Variants in PRDM11 observed in about 807,000 individuals in gnomAD.
PRDM11 encodes the protein PR domain-containing protein 11.
PRDM11 carries 20 observed loss-of-function variants against 97.8 expected under a neutral mutation model. The ratio of observed to expected loss-of-function variants is 0.20; its 90% CI spans 0.14 to 0.30. PRDM11 has a LOEUF of 0.30. Among genes scored for constraint, PRDM11 ranks in the 10% least tolerant of loss-of-function variants. The probability of loss-of-function intolerance (pLI) is 1.00; values close to 1 mark genes in which losing one functional copy is unlikely to be tolerated. For synonymous variants in PRDM11, 599 were observed against 637.7 expected (o/e 0.94, Z 0.91); for missense variants, 1,139 against 1,555.2 (o/e 0.73, Z 4.50).
At position 45,227,314 on chromosome 11, in the gene PRDM11, A is replaced by G; in HGVS notation, c.2689A>G (p.Ile897Val). 6.5e-7 allele frequency: 1 copy of G among 1,533,950 alleles called. No homozygotes were observed. The highest frequency in any genetic ancestry group is 1.2e-5 in the South Asian group (1 of 83,964). ...VIAVLSRLAY[I>V]FQGEYLLVSQ... ...TGCTGTGCTCTCGCGTCTGGCCTAC[A>G]TCTTCCAGGGCGAGTACCTGCTGGT... Residue 897 changes from isoleucine (I) to valine (V), a missense_variant, in exon 8 of 8, where the codon ATC (isoleucine) becomes GTC (valine). By Grantham distance (29) the Ile-to-Val change is conservative. Coordinates refer to ENST00000683152, the MANE Select transcript of PRDM11 (RefSeq NM_001384648.1). The surrounding 1 kb of genome is among the most constrained non-coding windows in gnomAD (Gnocchi z 8.0).
chr11:45,097,398 C>T (rs904676925), intron 1 of PRDM11, among the ~76,000 whole-genome samples: 3 of 152,204 alleles, frequency 2.0e-5, no homozygotes, highest in African/African-American at 7.2e-5. Flanking sequence ...GCATTTGTTA[C>T]ATGCCGGCAG....
chr11:45,135,883 G>C (rs888768336), intron 1 of PRDM11, among the ~76,000 whole-genome samples: 3 of 152,106 alleles, frequency 2.0e-5, no homozygotes, highest in Non-Finnish European at 4.4e-5. Flanking sequence ...TGCCCAGGAC[G>C]CCTCAAAAAT....
In PRDM11 at chr11:45,226,871, G is replaced by A. The variant is rs1026342898; in HGVS notation, c.2246G>A (p.Arg749His). Residue 749 changes from arginine to histidine, a missense_variant, in exon 8 of 8, where the codon CGC becomes CAC. Around this residue, in one of 2 missense-constraint regions of PRDM11, gnomAD observed 710 missense variants for 1,044.9 expected, o/e 0.68. Transcript: ENST00000683152. ...CGTGCCAGCATGTTCATGACCATCC[G>A]CAAGACGCTGCCCTGGCTGCTGTGC... The part of the protein sequence containing the change: ...SLRASMFMTI[R>H]KTLPWLLCLP... 8.5e-6 allele frequency: 13 copies of A among 1,533,802 alleles called. No individual in the cohort carries two copies. Among genetic ancestry groups the A allele is most frequent in the African/African-American group, 5.5e-5 (4 of 72,958 alleles).
intron 5 of PRDM11, among the ~76,000 whole-genome samples, chr11:45,217,721 G>T (rs1257165823): frequency 6.6e-6 from 1 of 152,158 alleles, no homozygotes; most frequent in African/African-American, 2.4e-5. Flanking sequence ...ATAGATGAGG[G>T]GCAGCTGGTG....
intron 5 of PRDM11, chr11:45,213,285 T>C (rs1392653922): frequency 2.2e-6 from 1 of 456,552 alleles, no homozygotes; most frequent in Non-Finnish European, 4.4e-6. Flanking sequence ...TGATGCTTGC[T>C]TGGCCTGGAG....
chr11:45,225,971 G>A (rs1244211215), intron 7 of PRDM11, 24 bp from the exon 8 acceptor site: 4 of 1,465,346 alleles, frequency 2.7e-6, no homozygotes, highest in Non-Finnish European at 3.6e-6. Context: ...AGGTATAAAT[G>A]TTTCTTTCCC....
chr11:45,212,088 C>T (rs1297146092), intron 5 of PRDM11, among the ~76,000 whole-genome samples: 1 of 152,162 alleles, frequency 6.6e-6, no homozygotes, highest in Non-Finnish European at 1.5e-5. Context: ...GGTAGCCAAG[C>T]GGTTCGATGT....
At position 45,226,982 on chromosome 11, in the gene PRDM11, A is replaced by G; in HGVS notation, c.2357A>G (p.Asn786Ser). The stretch of plus-strand genomic sequence containing the variant: ...CTCCCATGCCTGGAGGAGCTGGAGA[A>G]CAACCTGAAGCAGCTGCTGAGCTTC... ...KELPCLEELE[N>S]NLKQLLSFYR... is the part of the protein sequence containing the mutation. The change falls in exon 8 of 8, where the codon AAC becomes AGC. Residue 786 changes from asparagine (N) to serine (S), a missense_variant. By Grantham distance (46) the Asn-to-Ser change is conservative. Coordinates refer to ENST00000683152, the MANE Select transcript of PRDM11 (RefSeq NM_001384648.1). 1 of 1,533,934 alleles carries G rather than the reference A, an allele frequency of 6.5e-7. No individual in the cohort carries two copies. The highest frequency in any genetic ancestry group is 8.7e-7 in the Non-Finnish European group (1 of 1,146,724).
At chr11:45,196,024 C>A (rs1321334275) in intron 4 of PRDM11, among the ~76,000 whole-genome samples, 1 of 152,108 alleles carries the variant, frequency 6.6e-6, no homozygotes, top group Non-Finnish European at 1.5e-5. Flanking sequence ...GTTTTTATTT[C>A]TTTCGGGCAT....
intron 1 of PRDM11, among the ~76,000 whole-genome samples, chr11:45,137,862 T>C (rs990507494): frequency 6.6e-6 from 1 of 152,210 alleles, no homozygotes; most frequent in Admixed American, 6.5e-5. Context: ...CAGCATTACC[T>C]TGAAGTCAGA....
chr11:45,112,535 A>G (rs1204909104), intron 1 of PRDM11, among the ~76,000 whole-genome samples: 4 of 152,362 alleles, frequency 2.6e-5, no homozygotes, highest in South Asian at 2.1e-4. Context: ...TAGTGGTTGT[A>G]CTAATTTACA....
chr11:45,191,384 G>T (rs1852907887), intron 4 of PRDM11, among the ~76,000 whole-genome samples: 1 of 152,054 alleles, frequency 6.6e-6, no homozygotes, highest in South Asian at 2.1e-4. Flanking sequence ...TGGTTAAAAT[G>T]ATTTTTCTAT....
In PRDM11 at chr11:45,181,875, G is replaced by A; in HGVS notation, c.109G>A (p.Gly37Ser). The A allele has an allele frequency of 6.2e-7, 1 of 1,612,500 alleles. No homozygotes were observed. Among genetic ancestry groups the A allele is most frequent in the Non-Finnish European group, 8.5e-7 (1 of 1,179,470 alleles). The change falls in exon 2 of 8, where the codon GGC becomes AGC. Residue 37 changes from glycine to serine, a missense_variant. Transcript: ENST00000683152. ...CTCACCACTCCGAGACCAGGAGTAT[G>A]GCCAGCCCTGGTGAGGCCCCTGTGT... ...VCSPLRDQEY[G>S]QPCSRRPDSS...
intron 5 of PRDM11, among the ~76,000 whole-genome samples, chr11:45,218,636 A>G (rs548963312): frequency 6.6e-6 from 1 of 152,298 alleles, no homozygotes; most frequent in South Asian, 2.1e-4. Context: ...AACGTCAACT[A>G]ATTTCCTCTT....
At chr11:45,190,120 T>C (rs191571305) in intron 4 of PRDM11, among the ~76,000 whole-genome samples, 1 of 151,656 alleles carries the variant, frequency 6.6e-6, no homozygotes, top group Non-Finnish European at 1.5e-5. Context: ...TTACACCACC[T>C]ACACACACAC....
intron 4 of PRDM11, among the ~76,000 whole-genome samples, chr11:45,187,799 CGTGT>C (rs61613469): frequency 0.35 from 51,862 of 146,918 alleles, 9,784 homozygotes; most frequent in Non-Finnish European, 0.45. Flanking sequence ...AAGAAAAGTT[CGTGT>C]GTGTGTGTGT....
intron 1 of PRDM11, among the ~76,000 whole-genome samples, chr11:45,133,717 C>T (rs904303634): frequency 1.1e-4 from 16 of 152,164 alleles, no homozygotes; most frequent in African/African-American, 3.6e-4. Flanking sequence ...ACTAACTAGA[C>T]ACAGATCCCC....
At chr11:45,131,371 C>T (rs532278152) in intron 1 of PRDM11, among the ~76,000 whole-genome samples, 5 of 152,224 alleles carry the variant, frequency 3.3e-5, no homozygotes, top group South Asian at 2.1e-4. Context: ...TCTGTATATA[C>T]GTTATACTTC....
At chr11:45,200,936 A>G (rs1853304214) in intron 4 of PRDM11, among the ~76,000 whole-genome samples, 1 of 152,182 alleles carries the variant, frequency 6.6e-6, no homozygotes, top group Non-Finnish European at 1.5e-5. Flanking sequence ...CTCCTAGACT[A>G]TCTATGCTCA....
Sources: gnomAD v4.1 joint callset for allele counts (sites outside exome capture counted in the v4.1 genomes callset) on GRCh38, gnomAD v4.1.1 for gene constraint, gnomAD v4.1.1 regional missense constraint, Gnocchi (gnomAD v3.1) non-coding constraint, MANE v1.5 for transcripts, NCBI Gene and HGNC (gene_info 2026-07-23, HGNC 2026-07-21) for gene names.